PTPRG: variants seen among roughly 807,000 people sequenced by gnomAD.
PTPRG encodes protein tyrosine phosphatase receptor type G.
Under a neutral mutation model 165.3 loss-of-function variants are expected in PTPRG, and 102 were observed. That is an observed-to-expected ratio of 0.62 (90% confidence interval 0.53 to 0.73). The LOEUF (loss-of-function observed/expected upper bound fraction) is 0.73. PTPRG is among the 30% of genes least tolerant of loss of function. PTPRG has a pLI of 0.00. For missense variants in PTPRG, 1,866 were observed against 1,861.4 expected (o/e 1.00, Z -0.05); for synonymous variants, 675 against 669.5 (o/e 1.01, Z -0.13).
intron 1 of PTPRG, among the ~76,000 whole-genome samples, chr3:61,655,083 G>C (rs189737554): frequency 6.6e-6 from 1 of 151,972 alleles, no homozygotes; most frequent in African/African-American, 2.4e-5. Context: ...CACCGCACCC[G>C]GCCACCTGCG....
chr3:62,062,217 T>G (rs1388390115), intron 4 of PTPRG, among the ~76,000 whole-genome samples: 4 of 100,822 alleles, frequency 4.0e-5, no homozygotes, highest in African/African-American at 1.3e-4. Flanking sequence ...GAGAATATCT[T>G]GAACCTGGGA....
intron 2 of PTPRG, among the ~76,000 whole-genome samples, chr3:61,786,130 GACAA>G (rs1398672788): frequency 2.6e-5 from 4 of 152,050 alleles, no homozygotes; most frequent in Non-Finnish European, 2.9e-5. Flanking sequence ...TGGAAATAAA[GACAA>G]ACAAACATAT....
chr3:61,879,341 T>C (rs772697627), intron 2 of PTPRG, among the ~76,000 whole-genome samples: 16 of 152,216 alleles, frequency 1.1e-4, no homozygotes, highest in Non-Finnish European at 2.2e-4. Flanking sequence ...TCTTCTGATA[T>C]AGGAACATGG....
At chr3:61,862,221 C>G (rs536015324) in intron 2 of PTPRG, among the ~76,000 whole-genome samples, 2 of 152,138 alleles carry the variant, frequency 1.3e-5, no homozygotes, top group Non-Finnish European at 2.9e-5. Flanking sequence ...GAAAAAGTGT[C>G]TTCCACAAAA....
intron 1 of PTPRG, among the ~76,000 whole-genome samples, chr3:61,677,938 A>G (rs1273031551): frequency 6.6e-6 from 1 of 152,144 alleles, no homozygotes; most frequent in Admixed American, 6.5e-5. Context: ...TTCCTCATGA[A>G]TTAAAATTTA....
At chr3:62,089,209 G>A (rs1284815287) in intron 5 of PTPRG, among the ~76,000 whole-genome samples, 1 of 152,200 alleles carries the variant, frequency 6.6e-6, no homozygotes, top group East Asian at 1.9e-4. Context: ...CAGATATCAT[G>A]TACATCACAT....
intron 2 of PTPRG, among the ~76,000 whole-genome samples, chr3:61,976,706 G>C (rs894392384): frequency 6.6e-6 from 1 of 151,746 alleles, no homozygotes; most frequent in African/African-American, 2.4e-5. Flanking sequence ...AGGGAGTCTC[G>C]GTGTCTTGCC....
chr3:61,809,365 G>A (rs902641746), intron 2 of PTPRG, among the ~76,000 whole-genome samples: 1 of 152,020 alleles, frequency 6.6e-6, no homozygotes, highest in Non-Finnish European at 1.5e-5. Flanking sequence ...TGCATCTTGA[G>A]GGGAGACATT....
chr3:61,942,156 T>TAAAAA (rs72243584), intron 2 of PTPRG, among the ~76,000 whole-genome samples: 1 of 128,650 alleles, frequency 7.8e-6, no homozygotes. Flanking sequence ...AGACTCTGTC[T>TAAAAA]AAAAAAAAAA....
At chr3:61,626,394 A>G (rs760227799) in intron 1 of PTPRG, among the ~76,000 whole-genome samples, 21 of 152,160 alleles carry the variant, frequency 1.4e-4, no homozygotes, top group Non-Finnish European at 2.9e-5. Flanking sequence ...GGGATTTGGT[A>G]GCCTGAATTC....
intron 2 of PTPRG, among the ~76,000 whole-genome samples, chr3:61,825,225 T>C (rs2036072153): frequency 6.6e-6 from 1 of 152,230 alleles, no homozygotes; most frequent in South Asian, 2.1e-4. Context: ...GTCTCAACAC[T>C]TTTAGGGATT....
chr3:61,714,594 A>C (rs1021037647), intron 1 of PTPRG, among the ~76,000 whole-genome samples: 1 of 152,212 alleles, frequency 6.6e-6, no homozygotes, highest in Non-Finnish European at 1.5e-5. Flanking sequence ...TTAGGGGCTG[A>C]GATTCAATCC....
intron 2 of PTPRG, among the ~76,000 whole-genome samples, chr3:61,969,493 T>C (rs1004138750): frequency 6.6e-6 from 1 of 152,196 alleles, no homozygotes; most frequent in Admixed American, 6.6e-5. Context: ...ATACACATTA[T>C]CCTTTTCAGC....
chr3:62,124,703 G>A (rs1433852343), intron 5 of PTPRG: 8 of 604,462 alleles, frequency 1.3e-5, no homozygotes, highest in South Asian at 2.1e-5. Flanking sequence ...GCTTGGCACC[G>A]GACTTGGCTC....
intron 2 of PTPRG, among the ~76,000 whole-genome samples, chr3:61,923,232 A>G (rs926197605): frequency 3.9e-5 from 6 of 152,110 alleles, no homozygotes; most frequent in African/African-American, 1.4e-4. Context: ...ATTAATCATT[A>G]TTTTGCACGT....
At chr3:61,918,531 C>T (rs1210808357) in intron 2 of PTPRG, among the ~76,000 whole-genome samples, 1 of 152,036 alleles carries the variant, frequency 6.6e-6, no homozygotes, top group Non-Finnish European at 1.5e-5. Context: ...ATAAGATCGC[C>T]CTGTACAAAT....
At chr3:62,247,129 T>C (rs1701304354) in intron 15 of PTPRG, among the ~76,000 whole-genome samples, 1 of 152,154 alleles carries the variant, frequency 6.6e-6, no homozygotes, top group African/African-American at 2.4e-5. Context: ...AGTATGTTTA[T>C]TTTCACTATA....
chr3:61,939,584 A>G (rs1330400466), intron 2 of PTPRG, among the ~76,000 whole-genome samples: 1 of 152,176 alleles, frequency 6.6e-6, no homozygotes, highest in Non-Finnish European at 1.5e-5. Flanking sequence ...TCCATACTCT[A>G]TTTCTGAAAT....
chr3:62,229,383 T>C lies in PTPRG; in HGVS notation c.2289-1842T>C, dbSNP rs557264975. Among the ~76,000 whole-genome samples, 2 of 152,328 alleles carry C rather than the reference T, an allele frequency of 1.3e-5. No individual in the cohort carries two copies. The highest frequency in any genetic ancestry group is 1.9e-4 in the East Asian group (1 of 5,184). ...TTTCAGAATTCACGAGAGCTGTCAG[T>C]TGTTATAGTAACCGGCCCCCTGCTG... On this transcript the variant is annotated intron_variant, in intron 13 of 29. Coordinates refer to ENST00000474889, the MANE Select transcript of PTPRG (RefSeq NM_002841.4). The surrounding 1 kb of genome is among the most constrained non-coding windows in gnomAD (Gnocchi z 4.6).
Sources: gnomAD v4.1 joint callset for allele counts (sites outside exome capture counted in the v4.1 genomes callset) on GRCh38, gnomAD v4.1.1 for gene constraint, Gnocchi (gnomAD v3.1) non-coding constraint, MANE v1.5 for transcripts, NCBI Gene and HGNC (gene_info 2026-07-23, HGNC 2026-07-21) for gene names.